The following SLC37A3 variants were observed in gnomAD, a reference collection of about 807,000 sequenced individuals.
SLC37A3 encodes the protein sugar phosphate exchanger 3.
Under a neutral mutation model 67.1 loss-of-function variants are expected in SLC37A3, and 51 were observed. The ratio of observed to expected loss-of-function variants is 0.76; its 90% CI spans 0.61 to 0.96. The LOEUF (loss-of-function observed/expected upper bound fraction) is 0.96, where lower values mean the gene tolerates loss of function less well. Ranked by LOEUF, SLC37A3 falls within the 40% of genes least tolerant of loss-of-function variation. SLC37A3 has a pLI of 0.00. For missense variants in SLC37A3, 508 were observed against 603.0 expected (o/e 0.84, Z 1.65); for synonymous variants, 214 against 231.4 (o/e 0.92, Z 0.68).
intron 1 of SLC37A3, among the ~76,000 whole-genome samples, chr7:140,393,489 C>A (rs754959483): frequency 1.3e-5 from 2 of 152,152 alleles, no homozygotes; most frequent in Non-Finnish European, 2.9e-5. Flanking sequence ...CTCACCAACA[C>A]CAACTCCCCA....
chr7:140,377,944 C>T (rs1184817579), intron 3 of SLC37A3, among the ~76,000 whole-genome samples: 1 of 152,090 alleles, frequency 6.6e-6, no homozygotes, highest in Admixed American at 6.5e-5. Flanking sequence ...TGGCCTCACG[C>T]CAGGCCGGCC....
At chr7:140,388,627 A>G (rs964275261) in intron 1 of SLC37A3, among the ~76,000 whole-genome samples, 12 of 152,134 alleles carry the variant, frequency 7.9e-5, no homozygotes, top group Admixed American at 2.0e-4. Flanking sequence ...CCTGGCCAAC[A>G]TGGCGAAACC....
intron 8 of SLC37A3, 49 bp downstream of exon 8, chr7:140,352,013 C>T (rs755819452): frequency 7.2e-6 from 11 of 1,533,594 alleles, no homozygotes; most frequent in East Asian, 6.8e-5. Context: ...GATTTCCTTT[C>T]GGCCATAATA....
chr7:140,382,170 T>G (rs1383503217), intron 2 of SLC37A3, among the ~76,000 whole-genome samples: 1 of 152,018 alleles, frequency 6.6e-6, no homozygotes, highest in Non-Finnish European at 1.5e-5. Context: ...GGAGGACGTT[T>G]AGTAGCATCC....
At chr7:140,369,531 CA>C in intron 4 of SLC37A3, 58 bp downstream of exon 4, 1 of 1,437,612 alleles carries the variant, frequency 7.0e-7, no homozygotes, top group Non-Finnish European at 9.7e-7. Context: ...TTGTAAGGCT[CA>C]GGGTCATTTA....
chr7:140,386,358 C>A (rs529205417), intron 1 of SLC37A3, among the ~76,000 whole-genome samples: 14 of 152,166 alleles, frequency 9.2e-5, no homozygotes, highest in African/African-American at 2.9e-4. Flanking sequence ...GCGTGAGCCA[C>A]CTCGCCCAGG....
At chr7:140,378,155 T>C (rs6964259) in intron 3 of SLC37A3, among the ~76,000 whole-genome samples, 26,087 of 152,180 alleles carry the variant, frequency 0.17, 3,139 homozygotes, top group African/African-American at 0.34. Context: ...TTTTTCTGTA[T>C]ATTGTTCAGG....
intron 14 of SLC37A3, among the ~76,000 whole-genome samples, chr7:140,336,229 T>C (rs565871481): frequency 6.6e-6 from 1 of 152,248 alleles, no homozygotes; most frequent in Non-Finnish European, 1.5e-5. Context: ...CTGGGCAACA[T>C]GGTGAAACCA....
chr7:140,371,855 C>CTT (rs759365499), intron 3 of SLC37A3, among the ~76,000 whole-genome samples: 1 of 145,448 alleles, frequency 6.9e-6, no homozygotes, highest in Non-Finnish European at 1.5e-5. Context: ...GTTTACAGAA[C>CTT]TTTTTTTTTT....
intron 10 of SLC37A3, 187 bp downstream of exon 10, chr7:140,348,437 CTT>C (rs2117060947): frequency 4.8e-6 from 3 of 621,302 alleles, no homozygotes; most frequent in South Asian, 2.9e-5. Context: ...CTATGGACCT[CTT>C]GTTTTTTCTT....
At chr7:140,385,104 T>A (rs1375997215) in intron 1 of SLC37A3, among the ~76,000 whole-genome samples, 1 of 152,202 alleles carries the variant, frequency 6.6e-6, no homozygotes, top group African/African-American at 2.4e-5. Context: ...TAAGTGGTCA[T>A]CCATAAAATG....
At chr7:140,392,605 C>T (rs981115281) in intron 1 of SLC37A3, among the ~76,000 whole-genome samples, 1 of 152,122 alleles carries the variant, frequency 6.6e-6, no homozygotes, top group Non-Finnish European at 1.5e-5. Context: ...AAGACAGATT[C>T]TTTGCCACAG....
At chr7:140,339,078 A>G (rs1479698242) in intron 13 of SLC37A3, among the ~76,000 whole-genome samples, 1 of 152,054 alleles carries the variant, frequency 6.6e-6, no homozygotes, top group Non-Finnish European at 1.5e-5. Flanking sequence ...GTGTAATGGT[A>G]TGATCACAGC....
chr7:140,363,740 CAAAAAAA>C (rs71170980), intron 5 of SLC37A3, among the ~76,000 whole-genome samples: 6 of 107,858 alleles, frequency 5.6e-5, no homozygotes, highest in Non-Finnish European at 7.4e-5. Flanking sequence ...AACTCCGCCT[CAAAAAAA>C]AAAAAAAAAA....
chr7:140,337,666 A>G (rs1796196214), intron 13 of SLC37A3: 1 of 201,658 alleles, frequency 5.0e-6, no homozygotes, highest in Admixed American at 5.9e-5. Flanking sequence ...CTTCCAATGA[A>G]AGGTACTATA....
chr7:140,384,586 G>T (rs925565371), intron 1 of SLC37A3, among the ~76,000 whole-genome samples: 1 of 151,928 alleles, frequency 6.6e-6, no homozygotes, highest in East Asian at 1.9e-4. Context: ...AAGCGTGGTG[G>T]CTCATGTCTA....
intron 4 of SLC37A3, among the ~76,000 whole-genome samples, chr7:140,367,738 C>T (rs1463598921): frequency 6.6e-6 from 1 of 152,010 alleles, no homozygotes; most frequent in African/African-American, 2.4e-5. Flanking sequence ...ACAGAGACGC[C>T]AGCTGCCTAT....
intron 6 of SLC37A3, among the ~76,000 whole-genome samples, chr7:140,356,200 AAAAAAAAC>A (rs1417584620): frequency 2.0e-5 from 3 of 151,862 alleles, no homozygotes; most frequent in African/African-American, 7.3e-5. Context: ...CCTCCCAAAA[AAAAAAAAC>A]AAAACAAAAA....
chr7:140,369,391 T>A (rs77108042), intron 4 of SLC37A3, among the ~76,000 whole-genome samples, 199 bp downstream of exon 4: 5,200 of 152,320 alleles, frequency 0.034, 133 homozygotes, highest in South Asian at 0.077. Flanking sequence ...TAAATTCCCA[T>A]TGACATATGC....
Sources: allele counts gnomAD v4.1 joint callset (sites outside exome capture counted in the v4.1 genomes callset), GRCh38; gene constraint gnomAD v4.1.1; transcripts MANE v1.5; gene names NCBI Gene and HGNC (gene_info 2026-07-23, HGNC 2026-07-21).